SQSTM1: variants seen among roughly 807,000 people sequenced by gnomAD.
SQSTM1 encodes the protein sequestosome-1.
In SQSTM1, 36 loss-of-function variants were observed where a neutral mutation model predicts 45.1. The observed-to-expected ratio is 0.80, with a 90% CI of 0.61 to 1.05. The LOEUF (loss-of-function observed/expected upper bound fraction) is 1.05. SQSTM1 is among the 50% of genes least tolerant of loss of function. The probability of loss-of-function intolerance (pLI) is 0.00; values close to 1 mark genes in which losing one functional copy is unlikely to be tolerated. For missense variants in SQSTM1, 617 were observed against 607.1 expected (o/e 1.02, Z -0.17); for synonymous variants, 290 against 244.3 (o/e 1.19, Z -1.74).
At chr5:179,814,836 G>C (rs1340863323), upstream of SQSTM1, among the ~76,000 whole-genome samples, 1 of 151,702 alleles carries the variant, frequency 6.6e-6, no homozygotes, top group African/African-American at 2.4e-5. Flanking sequence ...CGGGAGGATC[G>C]CTTGAGCCCA....
chr5:179,814,427 TTC>T (rs1757519815), upstream of SQSTM1, among the ~76,000 whole-genome samples: 3 of 152,182 alleles, frequency 2.0e-5, no homozygotes, highest in South Asian at 6.2e-4. Flanking sequence ...ACTTAGTCCC[TTC>T]TATGCCTGTG....
At chr5:179,817,911 A>G (rs1757632119), upstream of SQSTM1, among the ~76,000 whole-genome samples, 1 of 145,604 alleles carries the variant, frequency 6.9e-6, no homozygotes, top group South Asian at 2.3e-4. Context: ...TGGGAGGCTG[A>G]GGCAGGAGCA....
chr5:179,834,248 G>C (rs867310033), intron 7 of SQSTM1, among the ~76,000 whole-genome samples: 2 of 104,618 alleles, frequency 1.9e-5, no homozygotes, highest in East Asian at 3.1e-4. Flanking sequence ...GGGGGGTGGG[G>C]GGTGGGGACA....
intron 1 of SQSTM1, among the ~76,000 whole-genome samples, chr5:179,822,160 A>G (rs371746188): frequency 2.2e-4 from 34 of 152,204 alleles, no homozygotes; most frequent in Non-Finnish European, 4.7e-4. Flanking sequence ...TTCATCTTGC[A>G]ATCCTGGACA....
At position 179,838,064 on chromosome 5, in the gene SQSTM1, C is replaced by G; in HGVS notation, c.*1471C>G. ...GCAAGACAAAGCAAATAAATGCCTTCCACCTCACCGCAAACCTTCTGCTAA... is the reference window on the plus strand; with the variant it reads ...GCAAGACAAAGCAAATAAATGCCTTGCACCTCACCGCAAACCTTCTGCTAA... On this transcript the variant is annotated 3_prime_UTR_variant, in exon 8 of 8. Coordinates refer to ENST00000389805, the MANE Select transcript of SQSTM1 (RefSeq NM_003900.5). 1 of 616,112 alleles carries G rather than the reference C, an allele frequency of 1.6e-6. No homozygotes were observed. Among genetic ancestry groups the G allele is most frequent in the Non-Finnish European group, 2.8e-6 (1 of 352,794 alleles). The allele number at this position is 616,112 out of a possible 1,614,324, so 38.2% of individuals were successfully genotyped here.
chr5:179,817,798 T>G (rs1276994007), upstream of SQSTM1, among the ~76,000 whole-genome samples: 5 of 151,928 alleles, frequency 3.3e-5, no homozygotes, highest in Non-Finnish European at 1.5e-5. Flanking sequence ...TCACCTGAAG[T>G]CAGGAGTTCA....
rs1168362082 is a variant in SQSTM1 at position 179,837,884 on chromosome 5, C to A, written c.*1291C>A. The stretch of plus-strand genomic sequence containing the variant: ...CACCTTCCATGTCAGGCCAGCCTGT[C>A]CCTGAAAGAGAAGATGGCCATGCCC... On this transcript the variant is annotated 3_prime_UTR_variant, in exon 8 of 8. Coordinates refer to ENST00000389805, the MANE Select transcript of SQSTM1 (RefSeq NM_003900.5). The A allele has an allele frequency of 6.2e-7, 1 of 1,602,386 alleles. No homozygotes were observed. Among genetic ancestry groups the A allele is most frequent in the Non-Finnish European group, 8.5e-7 (1 of 1,178,216 alleles).
At chr5:179,818,345 A>G (rs546698299), upstream of SQSTM1, among the ~76,000 whole-genome samples, 2 of 152,234 alleles carry the variant, frequency 1.3e-5, no homozygotes, top group South Asian at 2.1e-4. Flanking sequence ...GTGATTGTCA[A>G]TCTCCCTAAA....
At chr5:179,831,196 C>G (rs1022019003) in intron 5 of SQSTM1, among the ~76,000 whole-genome samples, 8 of 152,230 alleles carry the variant, frequency 5.3e-5, no homozygotes, top group South Asian at 2.1e-4. Context: ...GTCACAGCAT[C>G]ACAGCGCAGC....
chr5:179,836,411 C>T (rs762316663), intron 7 of SQSTM1, 25 bp from the exon 8 acceptor site: 1 of 1,614,194 alleles, frequency 6.2e-7, no homozygotes. Context: ...CACCACTCCT[C>T]ATGGCTTCCT....
At chr5:179,831,277 A>G (rs1197889274) in intron 5 of SQSTM1, among the ~76,000 whole-genome samples, 1 of 152,178 alleles carries the variant, frequency 6.6e-6, no homozygotes, top group African/African-American at 2.4e-5. Flanking sequence ...TCTATGGAAA[A>G]CACCAGAACC....
At chr5:179,828,216 C>G (rs1034375385) in intron 5 of SQSTM1, among the ~76,000 whole-genome samples, 1 of 152,194 alleles carries the variant, frequency 6.6e-6, no homozygotes, top group African/African-American at 2.4e-5. Context: ...CTCACGCTTT[C>G]ATCACCAAGT....
At chr5:179,827,429 C>T (rs1056182275) in intron 5 of SQSTM1, among the ~76,000 whole-genome samples, 8 of 152,136 alleles carry the variant, frequency 5.3e-5, no homozygotes, top group African/African-American at 4.8e-5. Flanking sequence ...GGACCACAGG[C>T]GCCCACCACC....
At chr5:179,818,721 C>T (rs1757657196), upstream of SQSTM1, among the ~76,000 whole-genome samples, 1 of 152,194 alleles carries the variant, frequency 6.6e-6, no homozygotes, top group Non-Finnish European at 1.5e-5. Flanking sequence ...ACTCGCACAC[C>T]CACGGGGCAT....
rs370868602 is a variant in SQSTM1 at position 179,833,563 on chromosome 5, T to C, written c.970-24T>C. ...TGGCCTGTTGCGCGTGTCTCCTGTG[T>C]GCTCATGGTGAGTTTTGTTCCAGGA... On this transcript the variant is annotated intron_variant, in intron 6 of 7. Coordinates refer to ENST00000389805, the MANE Select transcript of SQSTM1 (RefSeq NM_003900.5). 5.9e-5 allele frequency: 95 copies of C among 1,613,800 alleles called. No homozygotes were observed. In the East Asian group the frequency reaches 8.0e-4, roughly 14 times the overall value.
chr5:179,834,161 G>C (rs112145397), intron 7 of SQSTM1, among the ~76,000 whole-genome samples: 1 of 145,536 alleles, frequency 6.9e-6, no homozygotes, highest in African/African-American at 2.6e-5. Context: ...CTGAGAGGGG[G>C]GGGGGTCATA....
chr5:179,809,497 C>T (rs953312938), intron 1 of SQSTM1, among the ~76,000 whole-genome samples: 6 of 151,338 alleles, frequency 4.0e-5, no homozygotes, highest in Admixed American at 2.0e-4. Context: ...GCACCAAGCC[C>T]GGCTAATTTT....
At chr5:179,821,339 C>T (rs1480695129) in intron 1 of SQSTM1, among the ~76,000 whole-genome samples, 198 bp downstream of exon 1, 2 of 152,324 alleles carry the variant, frequency 1.3e-5, no homozygotes, top group South Asian at 2.1e-4. Context: ...GAGTGGTGAC[C>T]AAGGCCGGGA....
upstream of SQSTM1, among the ~76,000 whole-genome samples, chr5:179,818,694 C>G (rs924276426): frequency 2.0e-5 from 3 of 152,184 alleles, no homozygotes; most frequent in Non-Finnish European, 4.4e-5. Context: ...GCTTACAGCC[C>G]CAAAAGCAGC....
Sources: gnomAD v4.1 joint callset for allele counts (sites outside exome capture counted in the v4.1 genomes callset) on GRCh38, gnomAD v4.1.1 for gene constraint, MANE v1.5 for transcripts, NCBI Gene and HGNC (gene_info 2026-07-23, HGNC 2026-07-21) for gene names.